The following NCAM2 variants were observed in gnomAD, a reference collection of about 807,000 sequenced individuals.
The protein encoded by NCAM2 is neural cell adhesion molecule 2.
A neutral mutation model predicts 98.1 loss-of-function variants in NCAM2; 30 were observed. That is an observed-to-expected ratio of 0.31 (90% CI 0.23 to 0.41). The LOEUF (loss-of-function observed/expected upper bound fraction) is 0.41, where lower values mean the gene tolerates loss of function less well. Among genes scored for constraint, NCAM2 ranks in the 10% least tolerant of loss-of-function variants. NCAM2 has a pLI of 1.00. For missense variants in NCAM2, 867 were observed against 1,005.8 expected (o/e 0.86, Z 1.87); for synonymous variants, 368 against 342.4 (o/e 1.07, Z -0.83).
At chr21:21,386,700 T>C (rs1487582459) in intron 9 of NCAM2, among the ~76,000 whole-genome samples, 3 of 152,186 alleles carry the variant, frequency 2.0e-5, no homozygotes, top group Non-Finnish European at 4.4e-5. Context: ...CATTATTGTC[T>C]CTCTGACAGG....
At chr21:21,046,955 A>T (rs1284405267) in intron 1 of NCAM2, among the ~76,000 whole-genome samples, 1 of 152,142 alleles carries the variant, frequency 6.6e-6, no homozygotes, top group African/African-American at 2.4e-5. Context: ...TTTTTCAGTT[A>T]TTTTATTCTC....
At chr21:21,112,765 AG>A (rs991445433) in intron 1 of NCAM2, among the ~76,000 whole-genome samples, 13 of 152,344 alleles carry the variant, frequency 8.5e-5, no homozygotes, top group African/African-American at 3.1e-4. Context: ...AGATTATTAT[AG>A]GAGATTAGTC....
chr21:21,450,769 A>C (rs1480978680), intron 12 of NCAM2, among the ~76,000 whole-genome samples: 3 of 132,242 alleles, frequency 2.3e-5, no homozygotes, highest in Admixed American at 7.9e-5. Context: ...CCTCCTCCCC[A>C]TCATGTATGT....
intron 5 of NCAM2, among the ~76,000 whole-genome samples, chr21:21,310,761 C>A (rs977133236): frequency 1.3e-5 from 2 of 152,168 alleles, no homozygotes; most frequent in African/African-American, 4.8e-5. Flanking sequence ...CATCTTGGCT[C>A]TACTACAGTC....
intron 15 of NCAM2, among the ~76,000 whole-genome samples, chr21:21,480,239 C>T (rs1016794215): frequency 2.6e-5 from 4 of 151,606 alleles, no homozygotes; most frequent in Non-Finnish European, 5.9e-5. Flanking sequence ...TACTGGCGGG[C>T]GCCTGTTGTC....
At chr21:21,194,256 A>G (rs748999065) in intron 1 of NCAM2, among the ~76,000 whole-genome samples, 3 of 152,144 alleles carry the variant, frequency 2.0e-5, no homozygotes, top group Non-Finnish European at 4.4e-5. Flanking sequence ...GTATATTTTA[A>G]TTTGCCATGT....
chr21:21,481,889 G>A (rs1439731554), intron 15 of NCAM2, among the ~76,000 whole-genome samples: 1 of 152,146 alleles, frequency 6.6e-6, no homozygotes, highest in African/African-American at 2.4e-5. Context: ...GACAAGGTCG[G>A]GAGTTTGAGA....
intron 16 of NCAM2, 89 bp downstream of exon 16, chr21:21,509,144 G>C (rs553619869): frequency 1.6e-6 from 2 of 1,281,856 alleles, no homozygotes; most frequent in South Asian, 2.6e-5. Flanking sequence ...TAGGGTAAAG[G>C]AGTAGGGTAA....
At chr21:21,027,701 G>T (rs962341878) in intron 1 of NCAM2, among the ~76,000 whole-genome samples, 1 of 152,080 alleles carries the variant, frequency 6.6e-6, no homozygotes, top group Admixed American at 6.5e-5. Context: ...GTTTAGCCTG[G>T]ATACGTCATT....
At chr21:21,288,705 T>C (rs1357481038) in intron 4 of NCAM2, among the ~76,000 whole-genome samples, 1 of 151,874 alleles carries the variant, frequency 6.6e-6, no homozygotes, top group Non-Finnish European at 1.5e-5. Flanking sequence ...CATATAGTCC[T>C]TTATTAAAGC....
At chr21:21,171,686 T>G (rs1393178722) in intron 1 of NCAM2, among the ~76,000 whole-genome samples, 1 of 152,174 alleles carries the variant, frequency 6.6e-6, no homozygotes, top group Non-Finnish European at 1.5e-5. Context: ...CTGACAAGAT[T>G]GGTGGGCAAA....
chr21:21,505,980 G>A (rs1342779318), intron 15 of NCAM2, among the ~76,000 whole-genome samples: 2 of 151,868 alleles, frequency 1.3e-5, no homozygotes, highest in African/African-American at 4.8e-5. Flanking sequence ...GCTAATGATG[G>A]TAAGTGATGA....
chr21:21,406,187 G>A (rs933126494), intron 9 of NCAM2, among the ~76,000 whole-genome samples: 6 of 152,182 alleles, frequency 3.9e-5, no homozygotes, highest in African/African-American at 1.4e-4. Flanking sequence ...AGAAGAGAGA[G>A]ATTGAGCTCA....
chr21:21,118,404 A>G (rs1429165698), intron 1 of NCAM2, among the ~76,000 whole-genome samples: 1 of 152,130 alleles, frequency 6.6e-6, no homozygotes, highest in African/African-American at 2.4e-5. Context: ...GGAAGGAGAG[A>G]GGAGATCATT....
At chr21:21,115,742 A>C (rs2066540716) in intron 1 of NCAM2, among the ~76,000 whole-genome samples, 1 of 152,188 alleles carries the variant, frequency 6.6e-6, no homozygotes. Context: ...CCTCCTTCAG[A>C]ATCATTCTAC....
chr21:21,022,966 A>G (rs1415939849), intron 1 of NCAM2, among the ~76,000 whole-genome samples: 1 of 152,168 alleles, frequency 6.6e-6, no homozygotes, highest in East Asian at 1.9e-4. Context: ...TACATAAAAT[A>G]TTTACTTTAA....
intron 8 of NCAM2, among the ~76,000 whole-genome samples, chr21:21,365,429 A>G (rs2075761530): frequency 6.6e-6 from 1 of 152,048 alleles, no homozygotes; most frequent in Admixed American, 6.6e-5. Context: ...CAAGTAACTT[A>G]ATGTCTCAGA....
chr21:21,332,544 T>A (rs902308355), intron 6 of NCAM2, among the ~76,000 whole-genome samples: 6 of 152,184 alleles, frequency 3.9e-5, no homozygotes, highest in Admixed American at 1.3e-4. Context: ...AATGGTTCTT[T>A]CCCTCATCTG....
At chr21:21,473,235 G>T (rs1290739292) in intron 14 of NCAM2, among the ~76,000 whole-genome samples, 1 of 150,638 alleles carries the variant, frequency 6.6e-6, no homozygotes, top group African/African-American at 2.4e-5. Context: ...ATTCAAGCCA[G>T]GTCCCTTGAT....
Sources: allele counts gnomAD v4.1 joint callset (sites outside exome capture counted in the v4.1 genomes callset), GRCh38; gene constraint gnomAD v4.1.1; transcripts MANE v1.5; gene names NCBI Gene and HGNC (gene_info 2026-07-23, HGNC 2026-07-21).